TMEM232: variants seen among roughly 807,000 people sequenced by gnomAD.
The protein encoded by TMEM232 is transmembrane protein 232.
A neutral mutation model predicts 78.8 loss-of-function variants in TMEM232; 80 were observed. The ratio of observed to expected loss-of-function variants is 1.01; its 90% CI spans 0.85 to 1.22. The LOEUF (loss-of-function observed/expected upper bound fraction) is 1.22, where lower values mean the gene tolerates loss of function less well. Among genes scored for constraint, TMEM232 ranks in the 50% most tolerant of loss-of-function variants. The pLI, the probability that TMEM232 is intolerant of heterozygous loss-of-function variation, is 0.00. For missense variants in TMEM232, 881 were observed against 742.2 expected (o/e 1.19, Z -2.17); for synonymous variants, 297 against 254.3 (o/e 1.17, Z -1.60).
At chr5:110,465,910 A>C (rs2149363535) in intron 12 of TMEM232, among the ~76,000 whole-genome samples, 1 of 152,302 alleles carries the variant, frequency 6.6e-6, no homozygotes, top group Middle Eastern at 3.4e-3. Flanking sequence ...CTAGTAATGG[A>C]ATATGGCAAT....
At chr5:110,550,467 A>G (rs1346243999) in intron 11 of TMEM232, among the ~76,000 whole-genome samples, 1 of 152,162 alleles carries the variant, frequency 6.6e-6, no homozygotes, top group African/African-American at 2.4e-5. Context: ...GCTCACAAAA[A>G]AACATGAATT....
At chr5:110,389,668 C>T (rs1030056308) in intron 4 of TMEM232, among the ~76,000 whole-genome samples, 2 of 152,106 alleles carry the variant, frequency 1.3e-5, no homozygotes, top group African/African-American at 4.8e-5. Flanking sequence ...TTAGAATAAG[C>T]CTTTCAAAGG....
intron 6 of TMEM232, 21 bp from the exon 7 acceptor site, chr5:110,625,454 T>C (rs1177549237): frequency 1.3e-6 from 2 of 1,488,490 alleles, no homozygotes; most frequent in Non-Finnish European, 1.8e-6. Context: ...AAAAATCATC[T>C]GTGAGAAATA....
In TMEM232 at chr5:110,587,663, GTATATA is replaced by G. The variant is rs377139293; in HGVS notation, c.1276+17440_1276+17445del. On this transcript the variant is annotated intron_variant, in intron 10 of 13. Coordinates refer to ENST00000455884, the MANE Select transcript of TMEM232 (RefSeq NM_001039763.4). ...ATGATGGTTTCATGGGTACATGTATGTATATATATATATATATATATATATATATGT... is the reference window on the plus strand; with the variant it reads ...ATGATGGTTTCATGGGTACATGTATGTATATATATATATATATATATATGT... Among the ~76,000 whole-genome samples the G allele has an allele frequency of 5.1e-3, 495 of 96,244 alleles. 1 individual carries two copies. Among genetic ancestry groups the G allele is most frequent in the African/African-American group, 0.019 (457 of 24,694 alleles). 63.1% of individuals were successfully genotyped at this position (96,244 alleles called of 152,430 possible).
intron 1 of TMEM232, among the ~76,000 whole-genome samples, chr5:110,673,131 T>C (rs966029002): frequency 6.6e-6 from 1 of 152,082 alleles, no homozygotes; most frequent in African/African-American, 2.4e-5. Flanking sequence ...CCATAAAAAA[T>C]GATGAGTTCA....
intron 11 of TMEM232, among the ~76,000 whole-genome samples, chr5:110,554,724 A>G (rs769635766): frequency 6.6e-6 from 1 of 152,090 alleles, no homozygotes; most frequent in Non-Finnish European, 1.5e-5. Flanking sequence ...AATAGTTTCA[A>G]TATGATTGAT....
chr5:110,410,457 T>C (rs542333469), intron 2 of TMEM232, among the ~76,000 whole-genome samples: 1 of 152,224 alleles, frequency 6.6e-6, no homozygotes, highest in East Asian at 1.9e-4. Context: ...ACAAAAAACA[T>C]TTACCTTTAT....
chr5:110,652,711 A>C (rs1441876875), intron 2 of TMEM232, among the ~76,000 whole-genome samples: 1 of 152,192 alleles, frequency 6.6e-6, no homozygotes, highest in Non-Finnish European at 1.5e-5. Context: ...GTAAAAATTA[A>C]AACTTATTTA....
At chr5:110,683,117 T>C (rs1792956157) in intron 1 of TMEM232, among the ~76,000 whole-genome samples, 1 of 152,160 alleles carries the variant, frequency 6.6e-6, no homozygotes, top group Non-Finnish European at 1.5e-5. Flanking sequence ...TTATTACTTA[T>C]TATGTGTTTT....
chr5:110,404,518 C>T (rs1314032989), intron 2 of TMEM232, among the ~76,000 whole-genome samples: 1 of 151,904 alleles, frequency 6.6e-6, no homozygotes, highest in Non-Finnish European at 1.5e-5. Flanking sequence ...GATATGTGAG[C>T]CCTAAAGATT....
chr5:110,671,539 A>C (rs1001935019), intron 1 of TMEM232, among the ~76,000 whole-genome samples: 1 of 152,236 alleles, frequency 6.6e-6, no homozygotes, highest in Non-Finnish European at 1.5e-5. Context: ...AAAATGTGAC[A>C]CATATACACC....
chr5:110,730,342 T>C (rs1798558356), upstream of TMEM232, among the ~76,000 whole-genome samples: 1 of 152,252 alleles, frequency 6.6e-6, no homozygotes, highest in African/African-American at 2.4e-5. Flanking sequence ...ACTGTTGCAT[T>C]AGAATTAATA....
chr5:110,561,227 A>G (rs1409427891), intron 11 of TMEM232, among the ~76,000 whole-genome samples: 1 of 152,124 alleles, frequency 6.6e-6, no homozygotes, highest in Non-Finnish European at 1.5e-5. Context: ...AGCACTGGCT[A>G]TCAAATTGGC....
chr5:110,709,509 A>G (rs2150308107), intron 1 of TMEM232, among the ~76,000 whole-genome samples: 1 of 152,188 alleles, frequency 6.6e-6, no homozygotes, highest in Middle Eastern at 3.4e-3. Flanking sequence ...AAAAAATTCA[A>G]AAAAAATGAA....
chr5:110,566,304 C>T (rs993164263), intron 11 of TMEM232, among the ~76,000 whole-genome samples: 4 of 151,920 alleles, frequency 2.6e-5, no homozygotes, highest in African/African-American at 9.7e-5. Context: ...ATGTCTCTGA[C>T]ATGTCCTGGA....
At chr5:110,639,822 T>A (rs1301740192) in intron 4 of TMEM232, among the ~76,000 whole-genome samples, 3 of 152,320 alleles carry the variant, frequency 2.0e-5, no homozygotes, top group Middle Eastern at 3.4e-3. Flanking sequence ...GCCTCACATG[T>A]GCAGTTCACC....
At chr5:110,489,730 A>T (rs1471852348) in intron 12 of TMEM232, among the ~76,000 whole-genome samples, 1 of 152,126 alleles carries the variant, frequency 6.6e-6, no homozygotes, top group Non-Finnish European at 1.5e-5. Flanking sequence ...TGCAGATGGT[A>T]TGATCTCATA....
chr5:110,728,982 TC>T (rs1798419071), upstream of TMEM232, among the ~76,000 whole-genome samples: 1 of 152,042 alleles, frequency 6.6e-6, no homozygotes, highest in South Asian at 2.1e-4. Flanking sequence ...CCTCCTGGGT[TC>T]AAGCGATTCT....
chr5:110,668,719 T>C (rs1222246074), intron 1 of TMEM232, among the ~76,000 whole-genome samples: 2 of 152,212 alleles, frequency 1.3e-5, no homozygotes, highest in South Asian at 2.1e-4. Context: ...ATTGACCACA[T>C]AGTTGGAAGT....
Sources: allele counts gnomAD v4.1 joint callset (sites outside exome capture counted in the v4.1 genomes callset), GRCh38; gene constraint gnomAD v4.1.1; transcripts MANE v1.5; gene names NCBI Gene and HGNC (gene_info 2026-07-23, HGNC 2026-07-21).